Variants in SLC4A5 observed in about 807,000 individuals in gnomAD.
SLC4A5 encodes solute carrier family 4 member 5, also known as electrogenic sodium bicarbonate cotransporter 4.
A neutral mutation model predicts 120.4 loss-of-function variants in SLC4A5; 96 were observed. The observed-to-expected ratio is 0.80, with a 90% CI of 0.68 to 0.94. The LOEUF is 0.94. Among genes scored for constraint, SLC4A5 ranks in the 40% least tolerant of loss-of-function variants. The probability of loss-of-function intolerance (pLI) is 0.00; values close to 1 mark genes in which losing one functional copy is unlikely to be tolerated. For missense variants in SLC4A5, 1,259 were observed against 1,459.5 expected, an observed-to-expected ratio of 0.86 and a Z score of 2.24; for synonymous variants, 550 against 571.1, an observed-to-expected ratio of 0.96 and a Z score of 0.53.
chr2:74,237,150 G>A (rs754565643), intron 21 of SLC4A5, among the ~76,000 whole-genome samples: 21 of 152,084 alleles, frequency 1.4e-4, no homozygotes, highest in African/African-American at 4.8e-4. Context: ...CCAATTTTTT[G>A]TATTTTTAGT....
chr2:74,258,629 T>C (rs1051001038), intron 12 of SLC4A5, among the ~76,000 whole-genome samples: 6 of 152,242 alleles, frequency 3.9e-5, no homozygotes, highest in Non-Finnish European at 7.3e-5. Context: ...TTCAGCTGTA[T>C]AGACTTTGGT....
At chr2:74,220,040 G>A (rs1003776953) in intron 30 of SLC4A5, among the ~76,000 whole-genome samples, 2 of 152,236 alleles carry the variant, frequency 1.3e-5, no homozygotes, top group African/African-American at 4.8e-5. Context: ...TGTGCCTGGA[G>A]ATTGATCTTC....
chr2:74,313,119 A>G (rs1230043576), intron 6 of SLC4A5, among the ~76,000 whole-genome samples: 1 of 150,454 alleles, frequency 6.6e-6, no homozygotes, highest in Non-Finnish European at 1.5e-5. Flanking sequence ...TCCTAGCCTC[A>G]AACAATCCTC....
intron 8 of SLC4A5, among the ~76,000 whole-genome samples, chr2:74,267,003 T>G (rs1304697389): frequency 6.6e-6 from 1 of 152,228 alleles, no homozygotes; most frequent in Non-Finnish European, 1.5e-5. Context: ...TAACTCAAAT[T>G]ATCCAATAGA....
At chr2:74,244,049 G>T (rs1334911490) in intron 19 of SLC4A5, among the ~76,000 whole-genome samples, 2 of 152,146 alleles carry the variant, frequency 1.3e-5, no homozygotes, top group African/African-American at 4.8e-5. Context: ...TAGGAATATG[G>T]GCCCATTACT....
intron 5 of SLC4A5, among the ~76,000 whole-genome samples, chr2:74,321,421 C>A (rs1363000270): frequency 2.0e-5 from 3 of 152,080 alleles, no homozygotes; most frequent in Admixed American, 6.6e-5. Flanking sequence ...GATAGAGTTG[C>A]CAGGTTTAGC....
chr2:74,282,608 C>T (rs1237612441), intron 8 of SLC4A5, among the ~76,000 whole-genome samples: 1 of 152,226 alleles, frequency 6.6e-6, no homozygotes, highest in Non-Finnish European at 1.5e-5. Context: ...TTTCTTGGTT[C>T]CTTCACTGGG....
chr2:74,300,622 T>A (rs1672451835), intron 7 of SLC4A5, among the ~76,000 whole-genome samples: 1 of 152,198 alleles, frequency 6.6e-6, no homozygotes, highest in African/African-American at 2.4e-5. Flanking sequence ...CTGCCACCAC[T>A]CACCACCTAG....
At chr2:74,233,532 G>T in exon 23 of SLC4A5, 1 of 1,613,958 alleles carries the variant, frequency 6.2e-7, no homozygotes, top group East Asian at 2.2e-5. Flanking sequence ...CCCAAAGGGG[G>T]CCACGAACCA....
At chr2:74,313,587 G>T (rs930079660) in intron 6 of SLC4A5, among the ~76,000 whole-genome samples, 1 of 152,164 alleles carries the variant, frequency 6.6e-6, no homozygotes. Flanking sequence ...TGAAGAAAAC[G>T]AAGTGGAGAT....
intron 6 of SLC4A5, among the ~76,000 whole-genome samples, chr2:74,310,990 G>A (rs934917374): frequency 6.7e-6 from 1 of 149,130 alleles, no homozygotes; most frequent in Non-Finnish European, 1.5e-5. Flanking sequence ...TTCTTTAATA[G>A]TAATAGGCCT....
At chr2:74,285,137 T>G (rs1220780463) in intron 8 of SLC4A5, among the ~76,000 whole-genome samples, 4 of 152,066 alleles carry the variant, frequency 2.6e-5, no homozygotes, top group African/African-American at 9.7e-5. Context: ...ACCAGCTACT[T>G]GGGAGGCTGA....
intron 8 of SLC4A5, among the ~76,000 whole-genome samples, chr2:74,275,337 C>T (rs1671605145): frequency 6.6e-6 from 1 of 152,202 alleles, no homozygotes; most frequent in Admixed American, 6.5e-5. Flanking sequence ...TGTCATCAGA[C>T]AAAGTTACTG....
At chr2:74,227,008 C>A in exon 27 of SLC4A5, 2 of 1,614,078 alleles carry the variant, frequency 1.2e-6, no homozygotes, top group Non-Finnish European at 1.7e-6. Flanking sequence ...TCCAGAGCAC[C>A]GCCAGGCAGA....
intron 8 of SLC4A5, among the ~76,000 whole-genome samples, chr2:74,267,714 G>A (rs1671348094): frequency 6.6e-6 from 1 of 152,240 alleles, no homozygotes; most frequent in Non-Finnish European, 1.5e-5. Context: ...AGTCTGGTTA[G>A]GCTGGGTGAG....
intron 19 of SLC4A5, among the ~76,000 whole-genome samples, chr2:74,246,203 A>ACCCAGTAAC (rs1670605810): frequency 2.0e-5 from 3 of 152,210 alleles, no homozygotes; most frequent in Admixed American, 2.0e-4. Context: ...CAGGAGTGGC[A>ACCCAGTAAC]CTGGGTGTTA....
In SLC4A5 at chr2:74,218,527, CTGTT is replaced by C. The variant is rs1558861141; in HGVS notation, c.*295_*298del. ...TTTTCTATAGGCAGACGGACTCCCT[CTGTT>C]TGATAAAGAAGGAAACAGGCACAGA... On this transcript the variant is annotated 3_prime_UTR_variant, in exon 31 of 31. Transcript: ENST00000394019. The C allele has an allele frequency of 3.9e-5, 6 of 152,498 alleles. 1 individual carries two copies. The Middle Eastern group carries it at 0.017, about 432-fold the overall frequency. 9.4% of individuals were successfully genotyped at this position (152,498 alleles called of 1,614,324 possible).
At chr2:74,289,323 C>CT (rs113336645) in intron 7 of SLC4A5, among the ~76,000 whole-genome samples, 11,750 of 148,074 alleles carry the variant, frequency 0.079, 1,082 homozygotes, top group African/African-American at 0.22. Flanking sequence ...TTTTCTATTA[C>CT]TTTTTTTTTT....
intron 16 of SLC4A5, among the ~76,000 whole-genome samples, chr2:74,251,815 C>T (rs555931677): frequency 1.1e-4 from 17 of 152,312 alleles, no homozygotes; most frequent in South Asian, 4.1e-4. Context: ...TCAGGGAGCA[C>T]GGTGGTCCTG....
Sources: gnomAD v4.1 joint callset for allele counts (sites outside exome capture counted in the v4.1 genomes callset) on GRCh38, gnomAD v4.1.1 for gene constraint, MANE v1.5 for transcripts, NCBI Gene and HGNC (gene_info 2026-07-23, HGNC 2026-07-21) for gene names.